DTNA: variants seen among roughly 807,000 people sequenced by gnomAD.
The protein encoded by DTNA is dystrophin-related protein 3.
In DTNA, 43 loss-of-function variants were observed where a neutral mutation model predicts 100.7. The ratio of observed to expected loss-of-function variants is 0.43; its 90% CI spans 0.33 to 0.55. The LOEUF (loss-of-function observed/expected upper bound fraction) is 0.55. Among genes scored for constraint, DTNA ranks in the 20% least tolerant of loss-of-function variants. The probability of loss-of-function intolerance (pLI) is 0.04; values close to 1 mark genes in which losing one functional copy is unlikely to be tolerated. For synonymous variants in DTNA, 349 were observed against 347.9 expected, an observed-to-expected ratio of 1.00 and a Z score of -0.04; for missense variants, 798 against 953.9, an observed-to-expected ratio of 0.84 and a Z score of 2.15.
chr18:34,532,252 T>C (rs1267234359), intron 1 of DTNA, among the ~76,000 whole-genome samples: 1 of 152,148 alleles, frequency 6.6e-6, no homozygotes, highest in Non-Finnish European at 1.5e-5. Context: ...CAGACTTCCC[T>C]GTAGAGGTGG....
intron 1 of DTNA, among the ~76,000 whole-genome samples, chr18:34,518,815 A>T (rs1447616223): frequency 1.3e-5 from 2 of 151,622 alleles, no homozygotes; most frequent in Non-Finnish European, 1.5e-5. Flanking sequence ...CACCTGAAAT[A>T]TCTCCTGGTA....
At chr18:34,550,588 G>A (rs2045305851) in intron 1 of DTNA, among the ~76,000 whole-genome samples, 1 of 152,084 alleles carries the variant, frequency 6.6e-6, no homozygotes, top group African/African-American at 2.4e-5. Context: ...TTTTGGGCCT[G>A]TCTACATTTT....
chr18:34,515,152 G>T (rs184487237), intron 1 of DTNA, among the ~76,000 whole-genome samples: 1 of 152,114 alleles, frequency 6.6e-6, no homozygotes, highest in East Asian at 1.9e-4. Flanking sequence ...CTACCCTAAC[G>T]TCAGCTCTGA....
chr18:34,508,790 G>C (rs748964662), intron 1 of DTNA, among the ~76,000 whole-genome samples: 1 of 152,006 alleles, frequency 6.6e-6, no homozygotes, highest in Non-Finnish European at 1.5e-5. Context: ...TTTGGATTAG[G>C]CATCACATTT....
chr18:34,736,983 G>A (rs1217545140), intron 1 of DTNA, among the ~76,000 whole-genome samples: 3 of 152,174 alleles, frequency 2.0e-5, no homozygotes, highest in Non-Finnish European at 2.9e-5. Context: ...TTTCTCACTT[G>A]GTATGGCTTG....
intron 17 of DTNA, among the ~76,000 whole-genome samples, chr18:34,870,296 T>C (rs978778573): frequency 5.3e-5 from 8 of 152,218 alleles, no homozygotes; most frequent in African/African-American, 1.9e-4. Flanking sequence ...AGTCAGGAAA[T>C]TGTAGTCATC....
intron 1 of DTNA, among the ~76,000 whole-genome samples, chr18:34,563,297 A>C (rs2046802455): frequency 6.6e-6 from 1 of 152,174 alleles, no homozygotes; most frequent in African/African-American, 2.4e-5. Context: ...AAGCCAAGGA[A>C]TGTCAAGGAT....
intron 3 of DTNA, among the ~76,000 whole-genome samples, chr18:34,776,206 CA>C (rs2094038931): frequency 6.6e-6 from 1 of 152,024 alleles, no homozygotes; most frequent in Non-Finnish European, 1.5e-5. Context: ...AAAAAGGAAC[CA>C]AAGGCAGGAT....
At chr18:34,604,341 A>G (rs1453054038) in intron 1 of DTNA, among the ~76,000 whole-genome samples, 2 of 152,222 alleles carry the variant, frequency 1.3e-5, no homozygotes, top group African/African-American at 2.4e-5. Flanking sequence ...AAGAGAAATT[A>G]TTCAGTCAAA....
chr18:34,689,566 A>T (rs2079431933), intron 1 of DTNA, among the ~76,000 whole-genome samples: 1 of 152,144 alleles, frequency 6.6e-6, no homozygotes, highest in Non-Finnish European at 1.5e-5. Flanking sequence ...GCTATTCTGT[A>T]TGAGGTATCT....
chr18:34,780,380 T>C (rs979351113), intron 3 of DTNA, among the ~76,000 whole-genome samples: 1 of 152,170 alleles, frequency 6.6e-6, no homozygotes, highest in Non-Finnish European at 1.5e-5. Context: ...TGTCAAGCCT[T>C]GTCACCAAAA....
intron 1 of DTNA, among the ~76,000 whole-genome samples, chr18:34,698,805 G>C (rs2080968403): frequency 6.6e-6 from 1 of 151,998 alleles, no homozygotes; most frequent in African/African-American, 2.4e-5. Context: ...TTTTATTCTG[G>C]CCATGCTGGC....
At position 34,749,226 on chromosome 18, in the gene DTNA, T is replaced by C. The variant is rs117354803; in HGVS notation, c.-1-6750T>C. On this transcript the variant is annotated intron_variant, in intron 1 of 22. Transcript: ENST00000444659. The stretch of plus-strand genomic sequence containing the variant: ...GATCTAGGAGCTTTTTGGACTAGTC[T>C]TTAGGGCCTCCTAGGTGTGCAGTCA... 6.2e-4 allele frequency among the ~76,000 whole-genome samples: 94 copies of C among 152,192 alleles called. No individual in the cohort carries two copies. The East Asian group carries it at 0.014, about 23-fold the overall frequency.
chr18:34,548,304 A>G (rs555637065), intron 1 of DTNA, among the ~76,000 whole-genome samples: 1 of 152,248 alleles, frequency 6.6e-6, no homozygotes, highest in South Asian at 2.1e-4. Flanking sequence ...CACAGGTTAG[A>G]GGTGTGTCCC....
intron 1 of DTNA, among the ~76,000 whole-genome samples, chr18:34,657,015 T>A (rs2074483484): frequency 6.6e-6 from 1 of 152,108 alleles, no homozygotes; most frequent in Non-Finnish European, 1.5e-5. Context: ...TACCTGGGAC[T>A]ACAGGTGTGC....
intron 17 of DTNA, 44 bp from the exon 18 acceptor site, chr18:34,875,195 A>G (rs1474885824): frequency 6.2e-7 from 1 of 1,608,432 alleles, no homozygotes; most frequent in Non-Finnish European, 8.5e-7. Flanking sequence ...GACATATGAC[A>G]TTTTCTTGGG....
chr18:34,744,110 A>G lies in DTNA; in HGVS notation c.-1-11866A>G, dbSNP rs150569851. 7.0e-3 allele frequency among the ~76,000 whole-genome samples: 1,065 copies of G among 152,290 alleles called. 14 individuals are homozygous for G. The highest frequency in any genetic ancestry group is 0.025 in the African/African-American group (1,027 of 41,556). On this transcript the variant is annotated intron_variant, in intron 1 of 22. Transcript: ENST00000444659. ...AGAAAGCAACCAAATTAAGTATACTAATTCTGATTTTCCCAAGGAAATTTG... is the reference window on the plus strand; with the variant it reads ...AGAAAGCAACCAAATTAAGTATACTGATTCTGATTTTCCCAAGGAAATTTG...
Position 34,820,454 on chromosome 18 carries a change from G to T in DTNA, c.877-337G>T, listed in dbSNP as rs188953019. ...GCCTCCTGCTTTCCTCCCCAGAAGG[G>T]CTCCCTTCACTGTTGCTGCTTCCTC... On this transcript the variant is annotated intron_variant, in intron 8 of 22. Transcript: ENST00000444659. Among the ~76,000 whole-genome samples, 356 of 152,204 alleles carry T rather than the reference G, an allele frequency of 2.3e-3. 1 individual carries two copies. The highest frequency in any genetic ancestry group is 8.2e-3 in the African/African-American group (341 of 41,528).
chr18:34,659,633 GACACAC>G (rs58171317), intron 1 of DTNA, among the ~76,000 whole-genome samples: 21 of 146,874 alleles, frequency 1.4e-4, no homozygotes, highest in African/African-American at 2.3e-4. Context: ...GACACACACA[GACACAC>G]ACACACACAC....
Sources: allele counts gnomAD v4.1 joint callset (sites outside exome capture counted in the v4.1 genomes callset), GRCh38; gene constraint gnomAD v4.1.1; transcripts MANE v1.5; gene names NCBI Gene and HGNC (gene_info 2026-07-23, HGNC 2026-07-21).